The following CADM1 variants were observed in gnomAD, a reference collection of about 807,000 sequenced individuals.
The protein encoded by CADM1 is TSLC-1.
CADM1 carries 15 observed loss-of-function variants against 53.1 expected under a neutral mutation model. That is an observed-to-expected ratio of 0.28 (90% confidence interval 0.19 to 0.44). The LOEUF (loss-of-function observed/expected upper bound fraction) is 0.44. Ranked by LOEUF, CADM1 falls within the 20% of genes least tolerant of loss-of-function variation. CADM1 has a pLI of 1.00. For missense variants in CADM1, 434 were observed against 611.3 expected (o/e 0.71, Z 3.06); for synonymous variants, 281 against 243.0 (o/e 1.16, Z -1.45).
At position 115,376,941 on chromosome 11, in the gene CADM1, T is replaced by C. The variant is rs182287684; in HGVS notation, c.124+127330A>G. On this transcript the variant is annotated intron_variant, in intron 1 of 11. Transcript: ENST00000331581. ...GACAACAGCATGTTTTATAAGTCAT[T>C]TGTCATCAGCAAACTTTAGACAAGG... 2.6e-5 allele frequency among the ~76,000 whole-genome samples: 4 copies of C among 152,296 alleles called. No individual in the cohort carries two copies. The East Asian group carries it at 7.7e-4, about 29-fold the overall frequency.
intron 1 of CADM1, among the ~76,000 whole-genome samples, chr11:115,502,789 A>T (rs904434232): frequency 3.9e-5 from 6 of 152,060 alleles, no homozygotes; most frequent in Admixed American, 1.3e-4. Flanking sequence ...CGTCTCCTAC[A>T]GCGTGTCTCC....
intron 1 of CADM1, among the ~76,000 whole-genome samples, chr11:115,430,093 G>A (rs1212397604): frequency 6.6e-6 from 1 of 152,034 alleles, no homozygotes; most frequent in African/African-American, 2.4e-5. Context: ...AACTTGTAAG[G>A]AACCCCGCAA....
At chr11:115,274,631 A>G (rs1406101854) in intron 1 of CADM1, among the ~76,000 whole-genome samples, 1 of 152,256 alleles carries the variant, frequency 6.6e-6, no homozygotes, top group African/African-American at 2.4e-5. Context: ...ACTGGGAGAA[A>G]TAATCACTAG....
At chr11:115,238,424 T>A (rs780330490) in intron 3 of CADM1, 76 bp downstream of exon 3, 5 of 1,481,124 alleles carry the variant, frequency 3.4e-6, no homozygotes, top group Non-Finnish European at 4.7e-6. Flanking sequence ...GAATTCACCA[T>A]TAACCTTTTC....
chr11:115,230,887 C>T (rs571464615), intron 4 of CADM1, among the ~76,000 whole-genome samples: 36 of 152,296 alleles, frequency 2.4e-4, no homozygotes, highest in Admixed American at 1.9e-3. Flanking sequence ...GTGCAATAGA[C>T]GTCAGAATGA....
chr11:115,444,776 T>G (rs1240319303), intron 1 of CADM1, among the ~76,000 whole-genome samples: 1 of 152,208 alleles, frequency 6.6e-6, no homozygotes, highest in African/African-American at 2.4e-5. Flanking sequence ...GAAAATCAAT[T>G]CGCCTCTCTT....
intron 1 of CADM1, among the ~76,000 whole-genome samples, chr11:115,499,934 TGTATATATAA>T (rs1482633007): frequency 1.3e-5 from 2 of 152,206 alleles, no homozygotes; most frequent in African/African-American, 2.4e-5. Flanking sequence ...TGCATATATA[TGTATATATAA>T]GTATGTATAT....
intron 1 of CADM1, among the ~76,000 whole-genome samples, chr11:115,393,360 A>G (rs1946893757): frequency 6.6e-6 from 1 of 151,748 alleles, no homozygotes. Context: ...TATCTTTTTT[A>G]TCAACATAAA....
At chr11:115,227,807 T>C (rs1013562804) in intron 5 of CADM1, among the ~76,000 whole-genome samples, 1 of 152,238 alleles carries the variant, frequency 6.6e-6, no homozygotes, top group African/African-American at 2.4e-5. Context: ...AAGCAACTTT[T>C]TATAACTTTT....
At chr11:115,436,026 C>T (rs1180256187) in intron 1 of CADM1, among the ~76,000 whole-genome samples, 1 of 152,192 alleles carries the variant, frequency 6.6e-6, no homozygotes, top group Non-Finnish European at 1.5e-5. Flanking sequence ...TCTACAAAGA[C>T]ACTCTGCAAG....
At chr11:115,375,387 T>C (rs938352159) in intron 1 of CADM1, among the ~76,000 whole-genome samples, 4 of 152,174 alleles carry the variant, frequency 2.6e-5, no homozygotes, top group Non-Finnish European at 5.9e-5. Flanking sequence ...GGAAGCCTTC[T>C]GGGGTGCTGC....
chr11:115,209,798 G>T (rs1940868527), intron 7 of CADM1, 141 bp from the exon 8 acceptor site: 2 of 973,400 alleles, frequency 2.1e-6, no homozygotes, highest in Non-Finnish European at 3.1e-6. Flanking sequence ...TTCCCTGCAA[G>T]ATTTATGTCT....
At chr11:115,189,290 GT>G (rs1939727903) in intron 10 of CADM1, among the ~76,000 whole-genome samples, 1 of 152,156 alleles carries the variant, frequency 6.6e-6, no homozygotes, top group South Asian at 2.1e-4. Context: ...GATGATGCTG[GT>G]GGAAGGGGTG....
chr11:115,448,594 T>C (rs1948503400), intron 1 of CADM1, among the ~76,000 whole-genome samples: 1 of 151,748 alleles, frequency 6.6e-6, no homozygotes, highest in South Asian at 2.1e-4. Flanking sequence ...AACTGCAATA[T>C]TTTGAAAAAT....
intron 1 of CADM1, among the ~76,000 whole-genome samples, chr11:115,310,591 C>T (rs539116275): frequency 1.7e-4 from 26 of 152,162 alleles, no homozygotes; most frequent in Admixed American, 1.3e-3. Context: ...GGTGAAACCC[C>T]GGGGCTTTTC....
rs1408019006 is a variant in CADM1 at position 115,175,565 on chromosome 11, G to A, written c.*909C>T. 3.0e-6 allele frequency: 3 copies of A among 985,142 alleles called. No homozygotes were observed. The African/African-American group carries it at 5.3e-5, about 17-fold the overall frequency. 61.0% of individuals were successfully genotyped at this position (985,142 alleles called of 1,614,324 possible). ...CCCCTCCTGTGGCAACTCAAAATTT[G>A]TCCACTTATATAAAAGGAACAGACC... On this transcript the variant is annotated 3_prime_UTR_variant, in exon 12 of 12. Transcript: ENST00000331581.
intron 1 of CADM1, among the ~76,000 whole-genome samples, chr11:115,467,218 C>T (rs570496411): frequency 1.2e-4 from 18 of 152,258 alleles, no homozygotes; most frequent in African/African-American, 4.3e-4. Context: ...ACAATGATTT[C>T]GATTTAAGAA....
At chr11:115,203,612 T>C (rs1375764227) in intron 8 of CADM1, among the ~76,000 whole-genome samples, 2 of 152,222 alleles carry the variant, frequency 1.3e-5, no homozygotes, top group African/African-American at 2.4e-5. Flanking sequence ...GTCTTTAGTA[T>C]GAAAACATGT....
At chr11:115,484,958 A>G (rs1185099732) in intron 1 of CADM1, among the ~76,000 whole-genome samples, 5 of 152,014 alleles carry the variant, frequency 3.3e-5, no homozygotes, top group Admixed American at 6.5e-5. Flanking sequence ...AAAAAAAAAA[A>G]AAAGAAAAGA....
Sources: gnomAD v4.1 joint callset for allele counts (sites outside exome capture counted in the v4.1 genomes callset) on GRCh38, gnomAD v4.1.1 for gene constraint, MANE v1.5 for transcripts, NCBI Gene and HGNC (gene_info 2026-07-23, HGNC 2026-07-21) for gene names.